Variants in KMT2C observed in about 807,000 individuals in gnomAD.
The protein encoded by KMT2C is lysine methyltransferase 2C, also known as histone-lysine N-methyltransferase 2C.
A neutral mutation model predicts 507.9 loss-of-function variants in KMT2C; 88 were observed. The ratio of observed to expected loss-of-function variants is 0.17; its 90% CI spans 0.15 to 0.21. The LOEUF is 0.21. Among genes scored for constraint, KMT2C ranks in the 10% least tolerant of loss-of-function variants. The pLI is 1.00. For synonymous variants in KMT2C, 2,049 were observed against 2,080.8 expected (o/e 0.98, Z 0.42); for missense variants, 4,954 against 5,957.8 (o/e 0.83, Z 5.55).
At chr7:152,324,946 G>A (rs1055749841) in intron 3 of KMT2C, among the ~76,000 whole-genome samples, 3 of 151,926 alleles carry the variant, frequency 2.0e-5, no homozygotes, top group Admixed American at 1.3e-4. Context: ...AATGTTTATT[G>A]CAAGTAATCA....
At chr7:152,320,241 CCAAA>C (rs1384297463) in intron 3 of KMT2C, among the ~76,000 whole-genome samples, 1 of 152,046 alleles carries the variant, frequency 6.6e-6, no homozygotes, top group Non-Finnish European at 1.5e-5. Context: ...ACATCTGGTC[CCAAA>C]CATTTTGTTT....
Position 152,176,207 on chromosome 7 carries a change from C to T in KMT2C, c.9246G>A (p.Pro3082=), listed in dbSNP as rs375238056. 2.1e-5 allele frequency: 33 copies of T among 1,604,348 alleles called. No homozygotes were observed. Among genetic ancestry groups the T allele is most frequent in the South Asian group, 3.3e-5 (3 of 89,666 alleles). The change falls in exon 38 of 59, where the codon CCG becomes CCA. Residue 3082 remains proline (P), a synonymous_variant. Coordinates refer to ENST00000262189, the MANE Select transcript of KMT2C (RefSeq NM_170606.3). ...MQAMIRQRSE[P]FFPNIDFDAI... ...AACTCCTACCAATATTAGGGAAGAA[C>T]GGTTCTGATCGCTGACGAATCATGG...
In KMT2C at chr7:152,183,064, A is replaced by C. The variant is rs2093486222; in HGVS notation, c.5175T>G (p.Ile1725Met). Residue 1725 changes from isoleucine to methionine, a missense_variant, in exon 35 of 59, where the codon ATT (isoleucine) becomes ATG (methionine). Physicochemically the swap from Ile to Met is conservative, Grantham distance 10. Coordinates refer to ENST00000262189, the MANE Select transcript of KMT2C (RefSeq NM_170606.3). Reference sequence around the variant, plus strand: ...CCGAATCAATACGAGAGCTGGGATCAATGCTATCTTGCTGTTGCTGCCTTT... The same window carrying C: ...CCGAATCAATACGAGAGCTGGGATCCATGCTATCTTGCTGTTGCTGCCTTT... ...SMKRQQQQDSIDPSSRIDSEL... is the reference protein window; with the variant it reads ...SMKRQQQQDSMDPSSRIDSEL... 1 of 1,613,000 alleles carries C rather than the reference A, an allele frequency of 6.2e-7. No individual in the cohort carries two copies. Among genetic ancestry groups the C allele is most frequent in the African/African-American group, 1.3e-5 (1 of 74,846 alleles).
chr7:152,224,767 G>A, intron 18 of KMT2C, 151 bp from the exon 19 acceptor site: 5 of 595,260 alleles, frequency 8.4e-6, no homozygotes, highest in South Asian at 5.1e-5. Flanking sequence ...CCCAATACTG[G>A]GTTGGGCATG....
chr7:152,426,642 G>T (rs1162931806), intron 1 of KMT2C, among the ~76,000 whole-genome samples: 1 of 152,196 alleles, frequency 6.6e-6, no homozygotes, highest in Non-Finnish European at 1.5e-5. Context: ...GGCAATGACA[G>T]TAACAACAGT....
At chr7:152,223,144 G>A (rs1220200935) in intron 20 of KMT2C, among the ~76,000 whole-genome samples, 2 of 152,104 alleles carry the variant, frequency 1.3e-5, no homozygotes, top group Non-Finnish European at 2.9e-5. Context: ...CAAATAATTA[G>A]TAGCCAGAGT....
chr7:152,341,382 C>A (rs1409637619), intron 2 of KMT2C, among the ~76,000 whole-genome samples: 2 of 152,188 alleles, frequency 1.3e-5, no homozygotes, highest in Non-Finnish European at 2.9e-5. Context: ...TATGGCTTAT[C>A]AAAGACATAT....
At position 152,182,094 on chromosome 7, in the gene KMT2C, T is replaced by C. The variant is rs1258639832; in HGVS notation, c.5766A>G (p.Pro1922=). Residue 1922 remains proline (P), a synonymous_variant, in exon 36 of 59, where the codon CCA becomes CCG. Transcript: ENST00000262189. ...ATGATAAAGGTGTACAGTTTTCCAC[T>C]GGTGCAGCAGAATTTCTTCTGGAAA... ...HSFSRRNSAA[P]VENCTPLSSV... 11 of 1,614,098 alleles carry C rather than the reference T, an allele frequency of 6.8e-6. No homozygotes were observed. The highest frequency in any genetic ancestry group is 5.1e-6 in the Non-Finnish European group (6 of 1,180,034).
intron 3 of KMT2C, among the ~76,000 whole-genome samples, chr7:152,325,150 CCTTTT>C (rs1351970473): frequency 2.0e-5 from 3 of 151,536 alleles, no homozygotes; most frequent in African/African-American, 4.8e-5. Flanking sequence ...ATTAATCAAT[CCTTTT>C]CTTTTCTTTT....
At chr7:152,226,219 CTTTTTTTTTTT>C (rs869076803) in intron 18 of KMT2C, among the ~76,000 whole-genome samples, 13 of 94,958 alleles carry the variant, frequency 1.4e-4, no homozygotes, top group East Asian at 8.5e-4. Flanking sequence ...ATTACAAGGC[CTTTTTTTTTTT>C]TTTTTTTTTT....
intron 1 of KMT2C, among the ~76,000 whole-genome samples, chr7:152,379,655 C>T (rs900568029): frequency 6.6e-6 from 1 of 152,256 alleles, no homozygotes; most frequent in Admixed American, 6.5e-5. Context: ...TCACTTGACC[C>T]CAGGAGTTCA....
At chr7:152,338,777 A>G (rs573552368) in intron 2 of KMT2C, among the ~76,000 whole-genome samples, 1 of 152,352 alleles carries the variant, frequency 6.6e-6, no homozygotes, top group African/African-American at 2.4e-5. Flanking sequence ...GCAGAGCATC[A>G]AAGTGTAGCA....
intron 6 of KMT2C, among the ~76,000 whole-genome samples, chr7:152,302,302 C>T (rs1204515727): frequency 6.6e-6 from 1 of 152,242 alleles, no homozygotes; most frequent in South Asian, 2.1e-4. Flanking sequence ...TGGCTCACTG[C>T]AATCTCTGCC....
intron 1 of KMT2C, among the ~76,000 whole-genome samples, chr7:152,380,467 C>T (rs942287344): frequency 1.2e-4 from 18 of 151,686 alleles, no homozygotes; most frequent in African/African-American, 3.4e-4. Flanking sequence ...ACTCGAGAGG[C>T]GGAGACAGGA....
chr7:152,159,191 T>TA lies in KMT2C; in HGVS notation c.11461-120dup, dbSNP rs1487279204. 17 of 787,320 alleles carry TA rather than the reference T, an allele frequency of 2.2e-5. No homozygotes were observed. The East Asian group carries it at 4.1e-4, about 19-fold the overall frequency. 48.8% of individuals were successfully genotyped at this position (787,320 alleles called of 1,614,324 possible). On this transcript the variant is annotated intron_variant, in intron 43 of 58. Coordinates refer to ENST00000262189, the MANE Select transcript of KMT2C (RefSeq NM_170606.3). Reference sequence around the variant, plus strand: ...ATGGCACTAAAAGGTATTAAATAAGTAGGGAAGATAGAGTGGTGTCAATGC... The same window carrying TA: ...ATGGCACTAAAAGGTATTAAATAAGTAAGGGAAGATAGAGTGGTGTCAATGC...
intron 18 of KMT2C, among the ~76,000 whole-genome samples, chr7:152,225,857 T>C (rs2094914022): frequency 6.6e-6 from 1 of 152,182 alleles, no homozygotes; most frequent in African/African-American, 2.4e-5. Context: ...AAAGAACGAA[T>C]GGAGAGTCAC....
rs1198334098 is a variant in KMT2C, at chr7:152,181,280, C to T, written c.6580G>A (p.Val2194Ile). ...GGATCAGAATGCCTCTGATTTGTTACAGGTGTAACAAACAAGTCAGTTTGT... is the reference window on the plus strand; with the variant it reads ...GGATCAGAATGCCTCTGATTTGTTATAGGTGTAACAAACAAGTCAGTTTGT... ...STQTDLFVTP[V>I]TNQRHSDPYA... The change falls in exon 36 of 59, where the codon GTA becomes ATA. Residue 2194 changes from valine (V) to isoleucine (I), a missense_variant. Coordinates refer to ENST00000262189, the MANE Select transcript of KMT2C (RefSeq NM_170606.3). 1.9e-6 allele frequency: 3 copies of T among 1,613,842 alleles called. No homozygotes were observed. Among genetic ancestry groups the T allele is most frequent in the Non-Finnish European group, 2.5e-6 (3 of 1,179,996 alleles).
rs2093375039 is a variant in KMT2C, at chr7:152,179,936, A to G, written c.7340T>C (p.Val2447Ala). The change falls in exon 37 of 59, where the codon GTT becomes GCT. Residue 2447 changes from valine to alanine, a missense_variant. Val to Ala is a moderately conservative substitution (Grantham distance 64). Around this residue, in one of 29 missense-constraint regions of KMT2C, gnomAD observed 1,689 missense variants for 1,654.3 expected, o/e 1.02. Transcript: ENST00000262189. Reference protein sequence around the residue: ...PPYPGNIRSPVAPPLGPRYAV... With the variant: ...PPYPGNIRSPAAPPLGPRYAV... ...ATATCTAGGTCCTAAAGGAGGGGCA[A>G]CAGGAGACCTAATGTTCCCAGGATA... 1 of 1,614,144 alleles carries G rather than the reference A, an allele frequency of 6.2e-7. No individual in the cohort carries two copies. Among genetic ancestry groups the G allele is most frequent in the Non-Finnish European group, 8.5e-7 (1 of 1,179,998 alleles).
chr7:152,366,959 G>A lies in KMT2C; in HGVS notation c.162-8284C>T, dbSNP rs1233137034. ...GGCACGATCGCAAGGTCGCGCAGAA[G>A]CTCCTCAATGGCCAGCGCCAGTTGC... On this transcript the variant is annotated intron_variant, in intron 1 of 58. Transcript: ENST00000262189. 5.1e-5 allele frequency: 27 copies of A among 526,734 alleles called. No homozygotes were observed. In the Admixed American group the frequency reaches 9.3e-4, roughly 18 times the overall value. The allele number at this position is 526,734 out of a possible 1,614,324, so 32.6% of individuals were successfully genotyped here. A position where few individuals can be genotyped will look rare whatever the true frequency, so the allele number is the denominator to read the frequency against.
Sources: allele counts gnomAD v4.1 joint callset (sites outside exome capture counted in the v4.1 genomes callset), GRCh38; gene constraint gnomAD v4.1.1; regional missense constraint gnomAD v4.1.1; transcripts MANE v1.5; gene names NCBI Gene and HGNC (gene_info 2026-07-23, HGNC 2026-07-21).